The following MUC7 variants were observed in gnomAD, a reference collection of about 807,000 sequenced individuals.
The protein encoded by MUC7 is mucin-7.
In MUC7, 2 loss-of-function variants were observed where a neutral mutation model predicts 2.5. The ratio of observed to expected loss-of-function variants is 0.81; its 90% CI spans 0.33 to 2.55. The LOEUF is 2.55. MUC7 is among the 30% of genes most tolerant of loss of function. MUC7 has a pLI of 0.11. For missense variants in MUC7, 408 were observed against 455.6 expected (o/e 0.90, Z 0.95); for synonymous variants, 133 against 173.4 (o/e 0.77, Z 1.83).
At chr4:70,445,437 T>TA (rs1252315183) in intron 1 of MUC7, among the ~76,000 whole-genome samples, 1 of 152,236 alleles carries the variant, frequency 6.6e-6, no homozygotes, top group Non-Finnish European at 1.5e-5. Context: ...GAAGATTATG[T>TA]AAGCAGCACA....
chr4:70,432,446 G>T (rs180721341), intron 1 of MUC7, among the ~76,000 whole-genome samples: 11 of 152,340 alleles, frequency 7.2e-5, no homozygotes, highest in African/African-American at 2.2e-4. Context: ...ATTCTAACTG[G>T]TGTGAGATGG....
At chr4:70,430,717 CTT>C (rs1277743601) in intron 1 of MUC7, 2 of 152,068 alleles carry the variant, frequency 1.3e-5, no homozygotes, top group East Asian at 1.9e-4. Context: ...CAAATTAAGA[CTT>C]TTGAATAGAG....
intron 1 of MUC7, among the ~76,000 whole-genome samples, chr4:70,472,630 T>G (rs1053320819): frequency 1.3e-5 from 2 of 152,206 alleles, no homozygotes; most frequent in African/African-American, 4.8e-5. Flanking sequence ...GGATAAGACA[T>G]TATTCTCAGT....
In MUC7 at chr4:70,482,943, T is replaced by C. The variant is rs761863471; in HGVS notation, c.*1065T>C. On this transcript the variant is annotated 3_prime_UTR_variant, in exon 3 of 3. Transcript: ENST00000304887. ...CTTCTGTCACTACTACTTAAAACTC[T>C]GATGATTATGTTAGATTTTTTTGCT... is the stretch of plus-strand genomic sequence containing the variant. 6.6e-5 allele frequency: 10 copies of C among 152,350 alleles called. No individual in the cohort carries two copies. The highest frequency in any genetic ancestry group is 1.2e-4 in the Non-Finnish European group (8 of 68,032). The allele number at this position is 152,350 out of a possible 1,614,324, so 9.4% of individuals were successfully genotyped here.
At chr4:70,465,600 T>C (rs1021425315) in intron 1 of MUC7, among the ~76,000 whole-genome samples, 4 of 152,032 alleles carry the variant, frequency 2.6e-5, no homozygotes, top group Non-Finnish European at 2.9e-5. Context: ...TCGTGAAGCA[T>C]ACACAAGTAT....
chr4:70,430,927 T>C (rs982172821), intron 1 of MUC7, among the ~76,000 whole-genome samples: 1 of 152,182 alleles, frequency 6.6e-6, no homozygotes, highest in African/African-American at 2.4e-5. Flanking sequence ...GAACTCCACA[T>C]TCTTCCTAAT....
upstream of MUC7, among the ~76,000 whole-genome samples, chr4:70,471,512 A>T (rs1426087827): frequency 6.6e-6 from 1 of 152,232 alleles, no homozygotes; most frequent in East Asian, 1.9e-4. Context: ...ATGCTGAAAT[A>T]GAGAGTAGCT....
chr4:70,442,689 T>C (rs558446647), intron 1 of MUC7, among the ~76,000 whole-genome samples: 68 of 152,324 alleles, frequency 4.5e-4, no homozygotes, highest in Non-Finnish European at 6.3e-4. Flanking sequence ...TAAGGATCTC[T>C]AAACTTCAAG....
chr4:70,449,059 G>A (rs191637307), intron 1 of MUC7, among the ~76,000 whole-genome samples: 2 of 152,228 alleles, frequency 1.3e-5, no homozygotes, highest in African/African-American at 4.8e-5. Flanking sequence ...TTCTTGGCCT[G>A]TAGTTTTATT....
chr4:70,449,890 G>A (rs960209348), intron 1 of MUC7, among the ~76,000 whole-genome samples: 2 of 152,284 alleles, frequency 1.3e-5, no homozygotes, highest in African/African-American at 4.8e-5. Flanking sequence ...GACCATGCTG[G>A]GTCAGACCTG....
intron 1 of MUC7, among the ~76,000 whole-genome samples, chr4:70,445,208 A>G (rs1734101528): frequency 6.6e-6 from 1 of 152,166 alleles, no homozygotes; most frequent in Non-Finnish European, 1.5e-5. Flanking sequence ...CATTGTATCA[A>G]TGATCACAAC....
At chr4:70,473,746 AAT>A (rs1734908755) in intron 1 of MUC7, among the ~76,000 whole-genome samples, 1 of 152,182 alleles carries the variant, frequency 6.6e-6, no homozygotes, top group African/African-American at 2.4e-5. Context: ...GCCAATCTTT[AAT>A]ATCAATAGAA....
At chr4:70,462,223 AAG>A (rs10567989) in intron 1 of MUC7, among the ~76,000 whole-genome samples, 137,544 of 149,682 alleles carry the variant, frequency 0.92, 64,007 homozygotes, top group East Asian at 1. Context: ...AAAAAAAAGA[AAG>A]AGAGAGAGAG....
chr4:70,439,569 A>G lies in MUC7; in HGVS notation c.-93+8882A>G, dbSNP rs1733950513. On this transcript the variant is annotated intron_variant, in intron 1 of 3. Coordinates refer to the MUC7 transcript ENST00000413702. ...ACATCATATTTCTAAATAAAAGTAC[A>G]CATTAATATGTTTATACATTTATAA... Among the ~76,000 whole-genome samples, 3 of 152,118 alleles carry G rather than the reference A, an allele frequency of 2.0e-5. No homozygotes were observed. The South Asian group carries it at 6.2e-4, about 31-fold the overall frequency.
At chr4:70,476,371 G>T (rs1301969674) in intron 2 of MUC7, among the ~76,000 whole-genome samples, 1 of 152,136 alleles carries the variant, frequency 6.6e-6, no homozygotes, top group Non-Finnish European at 1.5e-5. Flanking sequence ...TTGTTCTTTT[G>T]AAGTGGCCTT....
chr4:70,458,541 C>T (rs964914896), intron 1 of MUC7, among the ~76,000 whole-genome samples: 11 of 151,854 alleles, frequency 7.2e-5, no homozygotes, highest in Admixed American at 7.2e-4. Flanking sequence ...ATAATTTCTA[C>T]TCATAACAAA....
At chr4:70,440,456 C>T (rs1733974698) in intron 1 of MUC7, among the ~76,000 whole-genome samples, 1 of 151,762 alleles carries the variant, frequency 6.6e-6, no homozygotes, top group African/African-American at 2.4e-5. Flanking sequence ...AACACTCTGC[C>T]CAGGACAAAG....
chr4:70,482,171 G>A lies in MUC7; in HGVS notation c.*293G>A. On this transcript the variant is annotated 3_prime_UTR_variant, in exon 3 of 3. Transcript: ENST00000304887. ...CTTAGATAAAGAGAGAATATTGTAT[G>A]GGCCATCAACCATTTACTTTTCCCT... 5.8e-6 allele frequency: 2 copies of A among 343,248 alleles called. No homozygotes were observed. The highest frequency in any genetic ancestry group is 1.2e-4 in the East Asian group (2 of 16,840). The allele number at this position is 343,248 out of a possible 1,614,324, so 21.3% of individuals were successfully genotyped here.
At chr4:70,435,540 C>A (rs888052504) in intron 1 of MUC7, among the ~76,000 whole-genome samples, 2 of 152,062 alleles carry the variant, frequency 1.3e-5, no homozygotes, top group African/African-American at 4.8e-5. Context: ...CTTTTTCTTG[C>A]TTTCCATTTC....
Sources: gnomAD v4.1 joint callset for allele counts (sites outside exome capture counted in the v4.1 genomes callset) on GRCh38, gnomAD v4.1.1 for gene constraint, MANE v1.5 for transcripts, NCBI Gene and HGNC (gene_info 2026-07-23, HGNC 2026-07-21) for gene names.